The following BMP8B variants were observed in gnomAD, a reference collection of about 807,000 sequenced individuals.
The protein encoded by BMP8B is bone morphogenetic protein 8b.
Under a neutral mutation model 30.3 loss-of-function variants are expected in BMP8B, and 17 were observed. The ratio of observed to expected loss-of-function variants is 0.56; its 90% confidence interval spans 0.38 to 0.84. BMP8B has a LOEUF of 0.84. BMP8B is among the 40% of genes least tolerant of loss of function. BMP8B has a pLI of 0.00. For missense variants in BMP8B, 253 were observed against 494.6 expected, an observed-to-expected ratio of 0.51 and a Z score of 4.63; for synonymous variants, 131 against 214.7, an observed-to-expected ratio of 0.61 and a Z score of 3.41.
chr1:39,775,125 C>G, intron 1 of BMP8B, 87 bp from the exon 2 acceptor site: 1 of 1,573,500 alleles, frequency 6.4e-7, no homozygotes, highest in South Asian at 1.1e-5. Context: ...CGCCCCCAGC[C>G]ACCCACCACT....
In BMP8B at chr1:39,766,256, C is replaced by T. The variant is rs573252768; in HGVS notation, c.674-1439G>A. 3.4e-3 allele frequency among the ~76,000 whole-genome samples: 499 copies of T among 146,204 alleles called. 17 individuals are homozygous for T. The highest frequency in any genetic ancestry group is 0.012 in the African/African-American group (463 of 38,666). ...GGTGAAATTTCCTGATACTGAATGG[C>T]AGAAGCATGATTACCAGCTCATTTT... On this transcript the variant is annotated intron_variant, in intron 3 of 6. Transcript: ENST00000372827.
At chr1:39,778,037 G>A (rs1164327048) in intron 1 of BMP8B, among the ~76,000 whole-genome samples, 2 of 152,276 alleles carry the variant, frequency 1.3e-5, no homozygotes, top group Non-Finnish European at 2.9e-5. Context: ...AGCCCTTGGA[G>A]GGCCGGGACG....
intron 1 of BMP8B, among the ~76,000 whole-genome samples, chr1:39,782,388 G>A (rs1650701297): frequency 6.6e-6 from 1 of 152,182 alleles, no homozygotes; most frequent in South Asian, 2.1e-4. Context: ...GTAAATGACT[G>A]GGGGATGGGG....
intron 6 of BMP8B, chr1:39,762,619 A>G: frequency 6.5e-7 from 1 of 1,548,280 alleles, no homozygotes. Context: ...GAGCCACACC[A>G]TCTAGAAGCT....
intron 3 of BMP8B, chr1:39,770,392 T>A: frequency 1.9e-6 from 3 of 1,600,610 alleles, no homozygotes; most frequent in Non-Finnish European, 2.6e-6. Context: ...CGTCTCCATC[T>A]TCCTCTTTCA....
rs1284911723 is a variant in BMP8B at position 39,771,296 on chromosome 1, C to G, written c.673+3012G>C. 11 of 1,441,018 alleles carry G rather than the reference C, an allele frequency of 7.6e-6. No homozygotes were observed. The East Asian group carries it at 3.0e-4, about 39-fold the overall frequency. 89.3% of individuals were successfully genotyped at this position (1,441,018 alleles called of 1,614,324 possible). Reference sequence around the variant, plus strand: ...GAGGCCAGGACAGGTGGTGTGAGCCCTGCGTGCGCCTCGGGCCGCGCGTCA... The same window carrying G: ...GAGGCCAGGACAGGTGGTGTGAGCCGTGCGTGCGCCTCGGGCCGCGCGTCA... On this transcript the variant is annotated intron_variant, in intron 3 of 6. Coordinates refer to ENST00000372827, the MANE Select transcript of BMP8B (RefSeq NM_001720.5).
At position 39,760,175 on chromosome 1, in the gene BMP8B, T is replaced by A; in HGVS notation, c.*244A>T. 1.5e-6 allele frequency: 1 copy of A among 652,472 alleles called. No homozygotes were observed. Among genetic ancestry groups the A allele is most frequent in the African/African-American group, 1.8e-5 (1 of 54,862 alleles). 40.4% of individuals were successfully genotyped at this position (652,472 alleles called of 1,614,324 possible). On this transcript the variant is annotated 3_prime_UTR_variant, in exon 7 of 7. Coordinates refer to ENST00000372827, the MANE Select transcript of BMP8B (RefSeq NM_001720.5). ...TGCCTCCGGGAGAGGCGTTTGCATT[T>A]GGGTAGAACACTGCCTGATGATTGA...
At position 39,760,222 on chromosome 1, in the gene BMP8B, G is replaced by C; in HGVS notation, c.*197C>G. 2 of 927,486 alleles carry C rather than the reference G, an allele frequency of 2.2e-6. No individual in the cohort carries two copies. The highest frequency in any genetic ancestry group is 3.1e-6 in the Non-Finnish European group (2 of 635,698). The allele number at this position is 927,486 out of a possible 1,614,324, so 57.5% of individuals were successfully genotyped here. A position where few individuals can be genotyped will look rare whatever the true frequency, so the allele number is the denominator to read the frequency against. On this transcript the variant is annotated 3_prime_UTR_variant, in exon 7 of 7. Coordinates refer to ENST00000372827, the MANE Select transcript of BMP8B (RefSeq NM_001720.5). ...TTGAGACCACCTGGGCTGGAAACAG[G>C]ACAGTCACACAAATGCCTGGCAGGG...
chr1:39,779,575 A>T (rs918035684), intron 1 of BMP8B, among the ~76,000 whole-genome samples: 1 of 152,246 alleles, frequency 6.6e-6, no homozygotes, highest in African/African-American at 2.4e-5. Flanking sequence ...GGTCGCAGTC[A>T]CATACAGGGC....
intron 3 of BMP8B, chr1:39,771,379 C>T (rs1409213491): frequency 6.0e-6 from 5 of 833,868 alleles, no homozygotes; most frequent in Non-Finnish European, 8.5e-6. Context: ...TCTCCCCGGC[C>T]AGGCGCAGGC....
intron 6 of BMP8B, chr1:39,762,451 C>A: frequency 6.7e-7 from 1 of 1,483,938 alleles, no homozygotes; most frequent in Non-Finnish European, 9.0e-7. Context: ...AATCCACAAA[C>A]ACACAGAGCA....
At chr1:39,778,437 C>A (rs1312953750) in intron 1 of BMP8B, among the ~76,000 whole-genome samples, 1 of 151,342 alleles carries the variant, frequency 6.6e-6, no homozygotes, top group Non-Finnish European at 1.5e-5. Flanking sequence ...GGCCCCACAG[C>A]CTCTGCAGGC....
At chr1:39,786,439 T>C (rs1473351925) in intron 1 of BMP8B, among the ~76,000 whole-genome samples, 1 of 152,208 alleles carries the variant, frequency 6.6e-6, no homozygotes, top group Non-Finnish European at 1.5e-5. Flanking sequence ...CACCTCATTT[T>C]ACAAGGAGCA....
Position 39,788,403 on chromosome 1 carries a change from G to A in BMP8B, c.83C>T (p.Pro28Leu). Residue 28 changes from proline to leucine, a missense_variant, in exon 1 of 7, where the codon CCG becomes CTG. By Grantham distance (98) the Pro-to-Leu change is moderately conservative. This residue lies in a region of BMP8B where 54 missense variants were observed against 70.8 expected (regional missense o/e 0.76). Transcript: ENST00000372827. The surrounding 1 kb of genome is among the most constrained non-coding windows in gnomAD (Gnocchi z 5.8). ...LGGGGPGLRP[P>L]PGCPQRRLGA... ...CAGACGTCGCTGGGGACAGCCGGGC[G>A]GGGGTCGCAGGCCGGGGCCGCCCCC... is the stretch of plus-strand genomic sequence containing the variant. The A allele has an allele frequency of 7.5e-6, 8 of 1,073,518 alleles. No homozygotes were observed. Among genetic ancestry groups the A allele is most frequent in the Admixed American group, 5.4e-5 (1 of 18,624 alleles). 66.5% of individuals were successfully genotyped at this position (1,073,518 alleles called of 1,614,324 possible).
chr1:39,762,455 CAG>C (rs1649122998), intron 6 of BMP8B: 2 of 1,492,230 alleles, frequency 1.3e-6, no homozygotes, highest in Non-Finnish European at 1.8e-6. Flanking sequence ...CACAAACACA[CAG>C]AGCACTCAAC....
chr1:39,763,269 A>T lies in BMP8B; in HGVS notation c.949-67T>A, dbSNP rs1474669683. On this transcript the variant is annotated intron_variant, in intron 5 of 6. Transcript: ENST00000372827. ...TCCCTGAGCCTCAGGGCCCAAACCCATCCTCCAGCCCTGCAGGGCCGTCTC... is the reference window on the plus strand; with the variant it reads ...TCCCTGAGCCTCAGGGCCCAAACCCTTCCTCCAGCCCTGCAGGGCCGTCTC... The T allele has an allele frequency of 2.6e-5, 38 of 1,444,204 alleles. No homozygotes were observed. In the South Asian group the frequency reaches 4.6e-4, roughly 17 times the overall value. The allele number at this position is 1,444,204 out of a possible 1,614,324, so 89.5% of individuals were successfully genotyped here. A position where few individuals can be genotyped will look rare whatever the true frequency, so the allele number is the denominator to read the frequency against.
At chr1:39,767,121 G>A (rs1349595390) in intron 3 of BMP8B, among the ~76,000 whole-genome samples, 15 of 151,768 alleles carry the variant, frequency 9.9e-5, no homozygotes, top group Admixed American at 3.9e-4. Flanking sequence ...ATAGAATGTC[G>A]CATTAGATCA....
Position 39,759,058 on chromosome 1 carries a change from A to G in BMP8B, c.*1361T>C, listed in dbSNP as rs1648599670. 6.6e-6 allele frequency: 1 copy of G among 152,292 alleles called. No homozygotes were observed. Among genetic ancestry groups the G allele is most frequent in the Admixed American group, 6.5e-5 (1 of 15,282 alleles). 9.4% of individuals were successfully genotyped at this position (152,292 alleles called of 1,614,324 possible). On this transcript the variant is annotated 3_prime_UTR_variant, in exon 7 of 7. Coordinates refer to ENST00000372827, the MANE Select transcript of BMP8B (RefSeq NM_001720.5). ...CTGCTTTTAATGACACGGTTTGGGC[A>G]GCTGGACTCTGTCTATTCCAGCAGG...
At chr1:39,764,861 T>A in intron 3 of BMP8B, 44 bp from the exon 4 acceptor site, 1 of 1,604,036 alleles carries the variant, frequency 6.2e-7, no homozygotes, top group Non-Finnish European at 8.5e-7. Flanking sequence ...GCAGTGGCCC[T>A]GCAGCAGACA....
Sources: allele counts gnomAD v4.1 joint callset (sites outside exome capture counted in the v4.1 genomes callset), GRCh38; gene constraint gnomAD v4.1.1; regional missense constraint gnomAD v4.1.1; non-coding constraint Gnocchi (gnomAD v3.1); transcripts MANE v1.5; gene names NCBI Gene and HGNC (gene_info 2026-07-23, HGNC 2026-07-21).